The following DAB1 variants were observed in gnomAD, a reference collection of about 807,000 sequenced individuals.
DAB1 encodes the protein disabled homolog 1.
In DAB1, 15 loss-of-function variants were observed where a neutral mutation model predicts 64.6. That is an observed-to-expected ratio of 0.23 (90% CI 0.16 to 0.36). The LOEUF (loss-of-function observed/expected upper bound fraction) is 0.36, where lower values mean the gene tolerates loss of function less well. Ranked by LOEUF, DAB1 falls within the 10% of genes least tolerant of loss-of-function variation. The pLI is 1.00. For missense variants in DAB1, 596 were observed against 706.7 expected (o/e 0.84, Z 1.78); for synonymous variants, 235 against 251.9 (o/e 0.93, Z 0.64).
At chr1:58,332,167 T>G (rs552402012) in intron 4 of DAB1, among the ~76,000 whole-genome samples, 2 of 152,318 alleles carry the variant, frequency 1.3e-5, no homozygotes, top group East Asian at 3.9e-4. Context: ...TTTTTTGGTC[T>G]ACATCTTGCC....
chr1:58,426,621 A>G (rs1206975499), intron 3 of DAB1, among the ~76,000 whole-genome samples: 1 of 152,214 alleles, frequency 6.6e-6, no homozygotes, highest in Non-Finnish European at 1.5e-5. Context: ...GAAAAAAGGC[A>G]GGAAACCAAA....
intron 6 of DAB1, among the ~76,000 whole-genome samples, chr1:57,798,938 A>C (rs1650998459): frequency 6.6e-6 from 1 of 152,210 alleles, no homozygotes; most frequent in Admixed American, 6.5e-5. Flanking sequence ...TCAATTGAAG[A>C]AGCTCCTCTC....
chr1:57,251,658 T>C (rs1191226940), intron 2 of DAB1, among the ~76,000 whole-genome samples: 1 of 152,190 alleles, frequency 6.6e-6, no homozygotes, highest in Admixed American at 6.5e-5. Flanking sequence ...ATCAGCTCAG[T>C]TTCAACAGAA....
intron 4 of DAB1, among the ~76,000 whole-genome samples, chr1:58,291,829 A>G (rs1661847405): frequency 6.6e-6 from 1 of 152,168 alleles, no homozygotes; most frequent in African/African-American, 2.4e-5. Flanking sequence ...TCCAAAACCC[A>G]TGTTCTTAAC....
intron 3 of DAB1, among the ~76,000 whole-genome samples, chr1:58,491,557 A>G (rs944005622): frequency 1.2e-4 from 18 of 152,240 alleles, no homozygotes; most frequent in African/African-American, 4.1e-4. Context: ...TCAAAATAAA[A>G]GGATGGAGGA....
At chr1:57,656,352 T>TTG (rs148466319) in intron 6 of DAB1, among the ~76,000 whole-genome samples, 45,886 of 151,692 alleles carry the variant, frequency 0.3, 7,183 homozygotes, top group African/African-American at 0.36. Flanking sequence ...GCAAAAGTAA[T>TTG]TGTGTGTGTG....
chr1:57,822,809 A>G (rs1166215459), downstream of DAB1, among the ~76,000 whole-genome samples: 1 of 152,136 alleles, frequency 6.6e-6, no homozygotes, highest in East Asian at 1.9e-4. Context: ...GTAAATCTAA[A>G]TTATTACCAT....
intron 7 of DAB1, among the ~76,000 whole-genome samples, chr1:57,429,152 C>G (rs1282685494): frequency 6.6e-6 from 1 of 152,036 alleles, no homozygotes; most frequent in East Asian, 1.9e-4. Flanking sequence ...TGGCTTCATG[C>G]GATCCTCCTG....
intron 7 of DAB1, among the ~76,000 whole-genome samples, chr1:57,479,223 T>C (rs996109119): frequency 6.6e-6 from 1 of 151,966 alleles, no homozygotes; most frequent in African/African-American, 2.4e-5. Flanking sequence ...TAGGGAGAAG[T>C]GGTAAAAATT....
At chr1:58,507,565 C>T (rs568033113) in intron 2 of DAB1, among the ~76,000 whole-genome samples, 5 of 151,910 alleles carry the variant, frequency 3.3e-5, no homozygotes, top group African/African-American at 1.2e-4. Context: ...CACTACTGCA[C>T]AGATATGGAT....
chr1:57,250,012 T>C (rs546450396), intron 2 of DAB1, among the ~76,000 whole-genome samples: 1 of 152,370 alleles, frequency 6.6e-6, no homozygotes, highest in South Asian at 2.1e-4. Context: ...TGTGTCTTAT[T>C]TACCTTTAAA....
intron 5 of DAB1, among the ~76,000 whole-genome samples, chr1:57,898,239 T>C (rs116791314): frequency 2.6e-5 from 4 of 152,236 alleles, no homozygotes; most frequent in Admixed American, 6.5e-5. Context: ...CTCAGACAAG[T>C]TAAGGGGTTT....
At chr1:58,270,888 T>TGCTGAAGTTGCTTATCA (rs1414833748) in intron 4 of DAB1, among the ~76,000 whole-genome samples, 3 of 32,500 alleles carry the variant, frequency 9.2e-5, no homozygotes, top group African/African-American at 2.4e-4. Flanking sequence ...CCTGAGACTT[T>TGCTGAAGTTGCTTATCA]GCTGAAGTTG....
At chr1:57,150,614 G>A (rs1190575502) in intron 2 of DAB1, among the ~76,000 whole-genome samples, 1 of 152,100 alleles carries the variant, frequency 6.6e-6, no homozygotes, top group Non-Finnish European at 1.5e-5. Flanking sequence ...ATTTTGTTAA[G>A]CAATGTGTTT....
chr1:57,588,199 A>C (rs536223324), intron 7 of DAB1, among the ~76,000 whole-genome samples: 2 of 152,312 alleles, frequency 1.3e-5, no homozygotes, highest in Admixed American at 6.5e-5. Flanking sequence ...CCTAACCTGG[A>C]ATGTGCATCC....
At chr1:57,218,099 C>T (rs899390066) in intron 2 of DAB1, among the ~76,000 whole-genome samples, 9 of 152,232 alleles carry the variant, frequency 5.9e-5, no homozygotes, top group Admixed American at 4.6e-4. Flanking sequence ...AGAAGAATTC[C>T]TTGAAGAGCC....
intron 1 of DAB1, chr1:57,387,427 AT>A (rs1332583453): frequency 6.6e-6 from 1 of 152,200 alleles, no homozygotes; most frequent in Non-Finnish European, 1.5e-5. Context: ...TTTGCATTTA[AT>A]AATAAAATAG....
At chr1:57,769,793 G>C (rs577293682) in intron 6 of DAB1, among the ~76,000 whole-genome samples, 1 of 152,268 alleles carries the variant, frequency 6.6e-6, no homozygotes, top group African/African-American at 2.4e-5. Flanking sequence ...TTTTAGAACG[G>C]CCTTTTGCTT....
chr1:57,331,519 A>G (rs1426159210), intron 1 of DAB1, among the ~76,000 whole-genome samples: 2 of 152,140 alleles, frequency 1.3e-5, no homozygotes, highest in East Asian at 3.9e-4. Context: ...GTGAGTGGAA[A>G]AAATTCTGTA....
Sources: allele counts gnomAD v4.1 joint callset (sites outside exome capture counted in the v4.1 genomes callset), GRCh38; gene constraint gnomAD v4.1.1; transcripts MANE v1.5; gene names NCBI Gene and HGNC (gene_info 2026-07-23, HGNC 2026-07-21).